SLIT3: variants seen among roughly 807,000 people sequenced by gnomAD.
SLIT3 encodes the protein slit guidance ligand 3, also known as slit homolog 3 protein.
Under a neutral mutation model 184.0 loss-of-function variants are expected in SLIT3, and 68 were observed. The observed-to-expected ratio is 0.37, with a 90% CI of 0.30 to 0.45. SLIT3 has a LOEUF of 0.45. Among genes scored for constraint, SLIT3 ranks in the 20% least tolerant of loss-of-function variants. The probability of loss-of-function intolerance (pLI) is 1.00; values close to 1 mark genes in which losing one functional copy is unlikely to be tolerated. For missense variants in SLIT3, 1,707 were observed against 2,026.0 expected, an observed-to-expected ratio of 0.84 and a Z score of 3.02; for synonymous variants, 831 against 828.6, an observed-to-expected ratio of 1.00 and a Z score of -0.05.
chr5:168,666,878 G>A, intron 35 of SLIT3, 189 bp from the exon 36 acceptor site: 1 of 893,812 alleles, frequency 1.1e-6, no homozygotes, highest in Non-Finnish European at 1.8e-6. Flanking sequence ...CCTGTACCAG[G>A]CTCTCTGACA....
At chr5:168,833,109 A>G (rs762709224) in intron 6 of SLIT3, among the ~76,000 whole-genome samples, 9 of 152,188 alleles carry the variant, frequency 5.9e-5, no homozygotes, top group Non-Finnish European at 1.2e-4. Flanking sequence ...AGAGCCCTGA[A>G]TAAGTTTCTG....
intron 1 of SLIT3, among the ~76,000 whole-genome samples, chr5:169,290,168 T>A (rs572741427): frequency 1.3e-4 from 20 of 149,388 alleles, no homozygotes; most frequent in African/African-American, 4.7e-4. Flanking sequence ...CTAGGGCACA[T>A]GCTAGGGCAT....
chr5:169,060,147 T>C (rs1458087129), intron 4 of SLIT3, among the ~76,000 whole-genome samples: 2 of 152,226 alleles, frequency 1.3e-5, no homozygotes, highest in Non-Finnish European at 2.9e-5. Context: ...CCCAGCCCTT[T>C]GGGAGGCCAA....
At chr5:169,170,939 C>G (rs968800867) in intron 4 of SLIT3, among the ~76,000 whole-genome samples, 4 of 152,148 alleles carry the variant, frequency 2.6e-5, no homozygotes, top group Admixed American at 1.3e-4. Context: ...GTCTACCTGG[C>G]AGACATCATG....
At chr5:169,188,832 C>T (rs751472064) in intron 4 of SLIT3, among the ~76,000 whole-genome samples, 5 of 152,146 alleles carry the variant, frequency 3.3e-5, no homozygotes, top group Non-Finnish European at 5.9e-5. Context: ...GAACCTGAGA[C>T]AAGAGAGGTT....
At chr5:169,289,710 G>A (rs1767275154) in intron 1 of SLIT3, among the ~76,000 whole-genome samples, 1 of 152,218 alleles carries the variant, frequency 6.6e-6, no homozygotes, top group South Asian at 2.1e-4. Context: ...AATACATAGA[G>A]GGCAGTAGAG....
chr5:168,774,290 T>C lies in SLIT3; in HGVS notation c.1240A>G (p.Lys414Glu). ...AGCCCCTTGCTGATGGTCTGCAGCT[T>C]GTTGTCATACAGGGAGAGCAAGTTG... ...NLNLLSLYDN[K>E]LQTISKGLFA... The change falls in exon 13 of 36, where the codon AAG becomes GAG. Residue 414 changes from lysine to glutamate, a missense_variant. Lys to Glu is a moderately conservative substitution (Grantham distance 56). Around this residue, in one of 3 missense-constraint regions of SLIT3, gnomAD observed 1,307 missense variants for 1,511.6 expected, o/e 0.86. Coordinates refer to ENST00000519560, the MANE Select transcript of SLIT3 (RefSeq NM_003062.4). The C allele has an allele frequency of 5.6e-6, 9 of 1,614,070 alleles. No individual in the cohort carries two copies. Among genetic ancestry groups the C allele is most frequent in the Non-Finnish European group, 7.6e-6 (9 of 1,179,962 alleles).
chr5:169,084,325 C>T (rs1246872321), intron 4 of SLIT3, among the ~76,000 whole-genome samples: 1 of 150,494 alleles, frequency 6.6e-6, no homozygotes, highest in Non-Finnish European at 1.5e-5. Context: ...GCTCTTGTTG[C>T]CCAGTCTGGG....
At chr5:168,698,565 T>A (rs1762125358) in intron 27 of SLIT3, among the ~76,000 whole-genome samples, 1 of 152,172 alleles carries the variant, frequency 6.6e-6, no homozygotes, top group Admixed American at 6.5e-5. Flanking sequence ...GATTTGGAAC[T>A]TCTATCCTTC....
At chr5:169,252,924 A>C (rs1765827151) in intron 1 of SLIT3, among the ~76,000 whole-genome samples, 1 of 152,188 alleles carries the variant, frequency 6.6e-6, no homozygotes, top group Non-Finnish European at 1.5e-5. Flanking sequence ...CTGAAATAAA[A>C]ATCAAGTGAG....
chr5:169,191,314 G>A (rs901176688), intron 4 of SLIT3, among the ~76,000 whole-genome samples: 1 of 152,208 alleles, frequency 6.6e-6, no homozygotes, highest in Non-Finnish European at 1.5e-5. Flanking sequence ...GACCCAGCAA[G>A]AGATGGATAC....
chr5:169,102,967 C>T (rs550804973), intron 4 of SLIT3, among the ~76,000 whole-genome samples: 1 of 152,172 alleles, frequency 6.6e-6, no homozygotes, highest in Admixed American at 6.5e-5. Flanking sequence ...CCCATTTTTT[C>T]CTCAAACTGA....
intron 4 of SLIT3, chr5:169,017,794 G>A (rs1756448625): frequency 1.3e-5 from 2 of 152,214 alleles, no homozygotes; most frequent in African/African-American, 4.8e-5. Flanking sequence ...ACAGCTTAGT[G>A]TGTCCAAGCA....
chr5:169,158,857 A>G (rs72833927), intron 4 of SLIT3, among the ~76,000 whole-genome samples: 32,036 of 152,252 alleles, frequency 0.21, 4,515 homozygotes, highest in Middle Eastern at 0.36. Flanking sequence ...GGAATTCTAA[A>G]AAATGTTCTT....
intron 14 of SLIT3, among the ~76,000 whole-genome samples, chr5:168,769,995 T>C (rs1755488952): frequency 6.6e-6 from 1 of 152,206 alleles, no homozygotes; most frequent in Non-Finnish European, 1.5e-5. Flanking sequence ...CTTTGGACAC[T>C]TTGCGTCACC....
chr5:168,670,052 C>T, intron 34 of SLIT3, 61 bp from the exon 35 acceptor site: 1 of 1,427,318 alleles, frequency 7.0e-7, no homozygotes, highest in Non-Finnish European at 9.8e-7. Context: ...CTGGGGACTC[C>T]CTCTGTCCAC....
intron 4 of SLIT3, among the ~76,000 whole-genome samples, chr5:169,095,337 G>A (rs1302982485): frequency 6.6e-6 from 1 of 152,140 alleles, no homozygotes; most frequent in African/African-American, 2.4e-5. Flanking sequence ...ACTTTTACAT[G>A]TTATGGCAGC....
At chr5:168,776,836 T>C (rs1391422465) in intron 12 of SLIT3, among the ~76,000 whole-genome samples, 1 of 151,868 alleles carries the variant, frequency 6.6e-6, no homozygotes, top group Non-Finnish European at 1.5e-5. Context: ...AGTGTTTTGA[T>C]TTTTTTTAAA....
chr5:168,998,812 T>C (rs1291957322), intron 4 of SLIT3, among the ~76,000 whole-genome samples: 1 of 152,132 alleles, frequency 6.6e-6, no homozygotes, highest in Non-Finnish European at 1.5e-5. Context: ...CACTGTCACC[T>C]AGGAATGTGT....
Sources: gnomAD v4.1 joint callset for allele counts (sites outside exome capture counted in the v4.1 genomes callset) on GRCh38, gnomAD v4.1.1 for gene constraint, gnomAD v4.1.1 regional missense constraint, MANE v1.5 for transcripts, NCBI Gene and HGNC (gene_info 2026-07-23, HGNC 2026-07-21) for gene names.